ADGRV1: variants seen among roughly 807,000 people sequenced by gnomAD.
The protein encoded by ADGRV1 is G-protein coupled receptor 98.
In ADGRV1, 359 loss-of-function variants were observed where a neutral mutation model predicts 596.2. The observed-to-expected ratio is 0.60, with a 90% CI of 0.55 to 0.66. The LOEUF is 0.66. Among genes scored for constraint, ADGRV1 ranks in the 30% least tolerant of loss-of-function variants. The pLI is 0.00. For synonymous variants in ADGRV1, 2,681 were observed against 2,679.2 expected (o/e 1.00, Z -0.02); for missense variants, 7,274 against 7,575.6 (o/e 0.96, Z 1.48).
intron 82 of ADGRV1, among the ~76,000 whole-genome samples, chr5:90,861,497 G>C (rs1767563783): frequency 6.6e-6 from 1 of 151,440 alleles, no homozygotes; most frequent in African/African-American, 2.4e-5. Context: ...TTTTAGTAGA[G>C]ACAGGGTTTC....
At chr5:90,666,919 A>C (rs1771523423) in intron 21 of ADGRV1, among the ~76,000 whole-genome samples, 1 of 151,470 alleles carries the variant, frequency 6.6e-6, no homozygotes, top group South Asian at 2.1e-4. Flanking sequence ...TCTTTTCTTT[A>C]AGAATGTTGA....
intron 83 of ADGRV1, among the ~76,000 whole-genome samples, chr5:90,893,102 T>C (rs1365727017): frequency 6.6e-6 from 1 of 152,182 alleles, no homozygotes; most frequent in Non-Finnish European, 1.5e-5. Context: ...TGGCTTCTGC[T>C]GTTCATGAGG....
chr5:90,774,348 GA>G (rs758338125), intron 60 of ADGRV1, 45 bp downstream of exon 60: 3 of 1,092,998 alleles, frequency 2.7e-6, no homozygotes, highest in Non-Finnish European at 4.2e-6. Flanking sequence ...TAAATTCTCA[GA>G]AAAAATGTAA....
chr5:90,759,519 T>A lies in ADGRV1; in HGVS notation c.12051T>A (p.Asp4017Glu). The change falls in exon 58 of 90, where the codon GAT (aspartate) becomes GAA (glutamate). Residue 4017 changes from aspartate (D) to glutamate (E), a missense_variant. This residue lies in a region of ADGRV1 where 3,643 missense variants were observed against 3,809.2 expected (regional missense o/e 0.96). Transcript: ENST00000405460. Reference sequence around the variant, plus strand: ...CTGGAGGTGGCAGACTTGGTGATGATGTTGTGGTAACTGTTGTTATTCCAC... The same window carrying A: ...CTGGAGGTGGCAGACTTGGTGATGAAGTTGTGGTAACTGTTGTTATTCCAC... ...SVAGGGRLGD[D>E]VVVTVVIPQN... The A allele has an allele frequency of 1.2e-6, 2 of 1,613,366 alleles. No homozygotes were observed. Among genetic ancestry groups the A allele is most frequent in the Non-Finnish European group, 1.7e-6 (2 of 1,179,468 alleles).
rs865995751 is a variant in ADGRV1 at position 90,778,282 on chromosome 5, A to G, written c.12667-145A>G. ...GAAGGTTAATGTAACAGCATTTGGT[A>G]TTGTGGAGGTGCCTGTGTATGGGAT... On this transcript the variant is annotated intron_variant, in intron 62 of 89. Coordinates refer to ENST00000405460, the MANE Select transcript of ADGRV1 (RefSeq NM_032119.4). 4 of 760,022 alleles carry G rather than the reference A, an allele frequency of 5.3e-6. No homozygotes were observed. In the Middle Eastern group the frequency reaches 9.7e-4, roughly 185 times the overall value. The allele number at this position is 760,022 out of a possible 1,614,324, so 47.1% of individuals were successfully genotyped here. A position where few individuals can be genotyped will look rare whatever the true frequency, so the allele number is the denominator to read the frequency against.
intron 74 of ADGRV1, among the ~76,000 whole-genome samples, chr5:90,812,798 G>A (rs191272065): frequency 2.0e-5 from 3 of 152,100 alleles, no homozygotes; most frequent in Admixed American, 1.3e-4. Context: ...TACTGATTTT[G>A]ATTCAAATTG....
At chr5:90,939,622 A>G (rs1415600660) in intron 83 of ADGRV1, among the ~76,000 whole-genome samples, 1 of 152,224 alleles carries the variant, frequency 6.6e-6, no homozygotes, top group Non-Finnish European at 1.5e-5. Flanking sequence ...AACTTAGGAT[A>G]AAGAGTCTCT....
chr5:90,567,464 G>A (rs1755786052), intron 1 of ADGRV1, among the ~76,000 whole-genome samples: 2 of 152,060 alleles, frequency 1.3e-5, no homozygotes, highest in Admixed American at 6.5e-5. Context: ...GGTAAGTTTT[G>A]CAATTACTAA....
intron 25 of ADGRV1, among the ~76,000 whole-genome samples, chr5:90,678,782 C>G (rs1017608590): frequency 2.6e-5 from 4 of 151,710 alleles, no homozygotes; most frequent in Non-Finnish European, 4.4e-5. Context: ...GCAGAGGTGT[C>G]ATGACCTGAT....
intron 1 of ADGRV1, among the ~76,000 whole-genome samples, chr5:90,567,531 A>G (rs1354312479): frequency 6.6e-6 from 1 of 151,650 alleles, no homozygotes; most frequent in Non-Finnish European, 1.5e-5. Context: ...TTTTGAGTCA[A>G]TTTTGGATGT....
chr5:90,899,662 C>A (rs1159775334), intron 83 of ADGRV1, among the ~76,000 whole-genome samples: 1 of 152,146 alleles, frequency 6.6e-6, no homozygotes, highest in Non-Finnish European at 1.5e-5. Flanking sequence ...TTGTATCCTA[C>A]CTCTAATTTT....
intron 87 of ADGRV1, among the ~76,000 whole-genome samples, chr5:91,138,961 G>A (rs1369334402): frequency 6.6e-6 from 1 of 152,020 alleles, no homozygotes; most frequent in Non-Finnish European, 1.5e-5. Context: ...AGTAGAGACA[G>A]GGTTTCACCA....
intron 87 of ADGRV1, among the ~76,000 whole-genome samples, chr5:91,140,711 A>G (rs1795026923): frequency 6.6e-6 from 1 of 152,148 alleles, no homozygotes; most frequent in South Asian, 2.1e-4. Flanking sequence ...AAACTATCCA[A>G]GCAGGGTTAG....
chr5:90,798,194 G>A (rs1760962959), intron 70 of ADGRV1, among the ~76,000 whole-genome samples: 1 of 152,026 alleles, frequency 6.6e-6, no homozygotes, highest in Non-Finnish European at 1.5e-5. Flanking sequence ...TAATGAAGAA[G>A]AAAAGAGAGA....
chr5:91,029,020 G>A lies in ADGRV1; in HGVS notation c.18153-43427G>A, dbSNP rs76632217. Among the ~76,000 whole-genome samples, 595 of 152,176 alleles carry A rather than the reference G, an allele frequency of 3.9e-3. 4 individuals carry two copies. Among genetic ancestry groups the A allele is most frequent in the African/African-American group, 0.013 (547 of 41,528 alleles). Reference sequence around the variant, plus strand: ...AAAAGTGGTAGAATTACAGGCATGAGTCACTACACCTGGCCAAAACATTAG... The same window carrying A: ...AAAAGTGGTAGAATTACAGGCATGAATCACTACACCTGGCCAAAACATTAG... On this transcript the variant is annotated intron_variant, in intron 85 of 89. Transcript: ENST00000405460.
intron 86 of ADGRV1, among the ~76,000 whole-genome samples, chr5:91,076,036 A>G (rs1788829127): frequency 1.3e-5 from 2 of 152,140 alleles, no homozygotes; most frequent in South Asian, 4.1e-4. Flanking sequence ...ATATGGGAAA[A>G]TGTAGATGAG....
chr5:91,014,136 C>CCCCACACACACACACA (rs757029909), intron 85 of ADGRV1, among the ~76,000 whole-genome samples: 68 of 35,694 alleles, frequency 1.9e-3, no homozygotes, highest in Non-Finnish European at 3.2e-3. Context: ...TTCACAATTG[C>CCCCACACACACACACA]CACACACACA....
chr5:90,744,614 GT>G (rs1345503060), intron 50 of ADGRV1, among the ~76,000 whole-genome samples: 1 of 152,014 alleles, frequency 6.6e-6, no homozygotes, highest in African/African-American at 2.4e-5. Flanking sequence ...TTAATTAAGA[GT>G]TTTTTGTATT....
rs1168001085 is a variant in ADGRV1 at position 90,614,813 on chromosome 5, TA to T, written c.23-21del. The T allele has an allele frequency of 2.6e-6, 4 of 1,521,852 alleles. No individual in the cohort carries two copies. In the African/African-American group the frequency reaches 5.5e-5, roughly 21 times the overall value. 94.3% of individuals were successfully genotyped at this position (1,521,852 alleles called of 1,614,324 possible). Reference sequence around the variant, plus strand: ...TAGATTAGATATATTTTGTGAATAATATTTTTTTCTTTTTGTTTTAGGGATG... The same window carrying T: ...TAGATTAGATATATTTTGTGAATAATTTTTTTTCTTTTTGTTTTAGGGATG... On this transcript the variant is annotated intron_variant, in intron 1 of 89. Coordinates refer to ENST00000405460, the MANE Select transcript of ADGRV1 (RefSeq NM_032119.4).
Sources: allele counts gnomAD v4.1 joint callset (sites outside exome capture counted in the v4.1 genomes callset), GRCh38; gene constraint gnomAD v4.1.1; regional missense constraint gnomAD v4.1.1; transcripts MANE v1.5; gene names NCBI Gene and HGNC (gene_info 2026-07-23, HGNC 2026-07-21).